KDM2B: variants seen among roughly 807,000 people sequenced by gnomAD.
KDM2B encodes the protein lysine-specific demethylase 2B.
In KDM2B, 26 loss-of-function variants were observed where a neutral mutation model predicts 150.0. The observed-to-expected ratio is 0.17, with a 90% CI of 0.13 to 0.24. The LOEUF is 0.24. Ranked by LOEUF, KDM2B falls within the 10% of genes least tolerant of loss-of-function variation. The probability of loss-of-function intolerance (pLI) is 1.00; values close to 1 mark genes in which losing one functional copy is unlikely to be tolerated. For synonymous variants in KDM2B, 734 were observed against 729.5 expected (o/e 1.01, Z -0.10); for missense variants, 1,265 against 1,816.9 (o/e 0.70, Z 5.52).
the KDM2B span, among the ~76,000 whole-genome samples, chr12:121,415,926 A>G: frequency 7.3e-6 from 1 of 136,880 alleles, no homozygotes; most frequent in South Asian, 2.4e-4. Flanking sequence ...TAAAATTTGG[A>G]TCATGTTCTC....
Position 121,532,882 on chromosome 12 carries a change from G to A in KDM2B, c.855C>T (p.Asp285=), listed in dbSNP as rs1555308074. The A allele has an allele frequency of 6.2e-7, 1 of 1,614,216 alleles. No individual in the cohort carries two copies. The highest frequency in any genetic ancestry group is 1.3e-5 in the African/African-American group (1 of 75,066). The change falls in exon 8 of 23, where the codon GAC becomes GAT. Residue 285 remains aspartate, a synonymous_variant. Transcript: ENST00000377071. ...EEWVLSGKQS[D]IFLGDRVERC... is the part of the protein sequence containing the mutation. ...GTTCCACACGGTCTCCCAGAAAGAT[G>A]TCACTCTGTTTGCCTGACAGCACCC...
Position 121,467,301 on chromosome 12 carries a change from G to C in KDM2B, c.1735-13957C>G. On this transcript the variant is annotated intron_variant, in intron 12 of 22. Transcript: ENST00000377071. This position sits in a 1 kb window ranked among gnomAD's most constrained non-coding sequence, Gnocchi z 5.1. ...GCCCGGAGCAGGCTCGGCTCGCCCT[G>C]GCTCGGGCTCGGGCTCGGGCTCGGG... 2.0e-6 allele frequency: 2 copies of C among 980,558 alleles called. No individual in the cohort carries two copies. Among genetic ancestry groups the C allele is most frequent in the Non-Finnish European group, 2.4e-6 (2 of 828,396 alleles). The allele number at this position is 980,558 out of a possible 1,614,324, so 60.7% of individuals were successfully genotyped here.
intron 8 of KDM2B, among the ~76,000 whole-genome samples, chr12:121,522,095 A>G (rs1886738050): frequency 6.7e-6 from 1 of 150,234 alleles, no homozygotes; most frequent in Admixed American, 6.6e-5. Flanking sequence ...GGTAACAGAG[A>G]TAACCATCTC....
At chr12:121,562,635 G>A (rs1290121342) in intron 4 of KDM2B, among the ~76,000 whole-genome samples, 1 of 151,560 alleles carries the variant, frequency 6.6e-6, no homozygotes, top group Admixed American at 6.6e-5. Flanking sequence ...AAATCTGTAA[G>A]GGAAGAAAGC....
intron 17 of KDM2B, 33 bp downstream of exon 17, chr12:121,443,646 CG>C: frequency 1.5e-6 from 2 of 1,351,086 alleles, no homozygotes; most frequent in South Asian, 1.2e-5. Context: ...CGCCAGTCCC[CG>C]GGGCCTCAGG....
chr12:121,419,994 A>T, the KDM2B span: 1 of 388,660 alleles, frequency 2.6e-6, no homozygotes, highest in Non-Finnish European at 4.9e-6. Flanking sequence ...GAGAGTTAAT[A>T]CTCTGGTTAG....
chr12:121,511,620 G>T (rs551793123), intron 10 of KDM2B, among the ~76,000 whole-genome samples: 13 of 152,308 alleles, frequency 8.5e-5, no homozygotes, highest in Non-Finnish European at 1.6e-4. Flanking sequence ...ACTGTGCCCG[G>T]CCCCGGGTTT....
At chr12:121,491,753 C>T (rs1347853794) in intron 12 of KDM2B, among the ~76,000 whole-genome samples, 2 of 148,356 alleles carry the variant, frequency 1.3e-5, no homozygotes, top group Admixed American at 1.4e-4. Flanking sequence ...GAGATTGCAC[C>T]ACTGCACTCC....
In KDM2B at chr12:121,549,177, G is replaced by A. The variant is rs1420586897; in HGVS notation, c.577-194C>T. On this transcript the variant is annotated intron_variant, in intron 5 of 22. Transcript: ENST00000377071. This position sits in a 1 kb window ranked among gnomAD's most constrained non-coding sequence, Gnocchi z 4.4. ...TAGAAGGGAAGGAGATGAAACAGTC[G>A]CTGGGGGTCGGGCACGGTAGCTTAT... 1.3e-5 allele frequency among the ~76,000 whole-genome samples: 2 copies of A among 152,198 alleles called. No individual in the cohort carries two copies. The highest frequency in any genetic ancestry group is 2.9e-5 in the Non-Finnish European group (2 of 68,028).
intron 4 of KDM2B, among the ~76,000 whole-genome samples, chr12:121,555,018 T>G: frequency 6.6e-6 from 1 of 152,022 alleles, no homozygotes; most frequent in East Asian, 1.9e-4. Context: ...AGACCCCATC[T>G]CTACAAAAAA....
intron 8 of KDM2B, among the ~76,000 whole-genome samples, chr12:121,522,748 G>A (rs890637629): frequency 4.0e-5 from 6 of 151,100 alleles, no homozygotes; most frequent in South Asian, 2.1e-4. Context: ...CTTGGGAGGC[G>A]GAGGCATGAG....
Position 121,532,687 on chromosome 12 carries a change from C to T in KDM2B, c.931+119G>A, listed in dbSNP as rs547412809. 70 of 1,046,830 alleles carry T rather than the reference C, an allele frequency of 6.7e-5. No homozygotes were observed. The Admixed American group carries it at 1.2e-3, about 18-fold the overall frequency. The allele number at this position is 1,046,830 out of a possible 1,614,324, so 64.8% of individuals were successfully genotyped here. A position where few individuals can be genotyped will look rare whatever the true frequency, so the allele number is the denominator to read the frequency against. On this transcript the variant is annotated intron_variant, in intron 8 of 22. Coordinates refer to ENST00000377071, the MANE Select transcript of KDM2B (RefSeq NM_032590.5). Reference sequence around the variant, plus strand: ...CCTCCAGCCCACGGCTGGCTCCCCTCGGGGACTGCCAATGGCCTGTCAAAC... The same window carrying T: ...CCTCCAGCCCACGGCTGGCTCCCCTTGGGGACTGCCAATGGCCTGTCAAAC...
intron 9 of KDM2B, among the ~76,000 whole-genome samples, chr12:121,515,989 G>A (rs913286592): frequency 6.6e-6 from 1 of 152,116 alleles, no homozygotes; most frequent in South Asian, 2.1e-4. Flanking sequence ...GTGCCCTCTG[G>A]AGTTTAAAAA....
intron 4 of KDM2B, among the ~76,000 whole-genome samples, chr12:121,557,371 G>C (rs1555312931): frequency 5.3e-5 from 8 of 151,480 alleles, no homozygotes. Flanking sequence ...CCGATTAGCT[G>C]GGATTACAGG....
chr12:121,578,913 C>T lies in KDM2B; in HGVS notation c.160G>A (p.Glu54Lys). ...ATCTCCTCCACGTCCGACAAGTCCT[C>T]GTTCTCGTCGTATCGCTGGCGGTCA... The part of the protein sequence containing the change: ...PIDRQRYDEN[E>K]DLSDVEEIVS... The change falls in exon 2 of 23, where the codon GAG (glutamate) becomes AAG (lysine). Residue 54 changes from glutamate to lysine, a missense_variant. Around this residue, in one of 11 missense-constraint regions of KDM2B, gnomAD observed 214 missense variants for 447.4 expected, o/e 0.48. Coordinates refer to ENST00000377071, the MANE Select transcript of KDM2B (RefSeq NM_032590.5). 1 of 1,613,038 alleles carries T rather than the reference C, an allele frequency of 6.2e-7. No homozygotes were observed. The highest frequency in any genetic ancestry group is 8.5e-7 in the Non-Finnish European group (1 of 1,179,716).
rs1555292073 is a variant in KDM2B, at chr12:121,453,269, C to A, written c.1810G>T (p.Ala604Ser). Reference sequence around the variant, plus strand: ...CGCGTCCGGCGCCGCCGAGCTCCTGCCGTTGTCCGGTTGGCGGCCAACTTC... The same window carrying A: ...CGCGTCCGGCGCCGCCGAGCTCCTGACGTTGTCCGGTTGGCGGCCAACTTC... ...AVKLAANRTT[A>S]GARRRRTRCR... The change falls in exon 13 of 23, where the codon GCA (alanine) becomes TCA (serine). Residue 604 changes from alanine to serine, a missense_variant. Around this residue, in one of 11 missense-constraint regions of KDM2B, gnomAD observed 69 missense variants for 85.7 expected, o/e 0.81. Coordinates refer to ENST00000377071, the MANE Select transcript of KDM2B (RefSeq NM_032590.5). The surrounding 1 kb of genome is among the most constrained non-coding windows in gnomAD (Gnocchi z 6.4). The A allele has an allele frequency of 6.2e-7, 1 of 1,607,962 alleles. No homozygotes were observed. The highest frequency in any genetic ancestry group is 1.7e-5 in the Admixed American group (1 of 59,644).
At chr12:121,566,521 C>G (rs1210370826) in intron 4 of KDM2B, among the ~76,000 whole-genome samples, 2 of 152,032 alleles carry the variant, frequency 1.3e-5, no homozygotes, top group Non-Finnish European at 2.9e-5. Context: ...ACTCGGGAGG[C>G]TGAGGCAGGA....
chr12:121,433,139 G>C, intron 22 of KDM2B: 2 of 456,678 alleles, frequency 4.4e-6, no homozygotes, highest in South Asian at 3.1e-5. Context: ...TGCCCAGCCA[G>C]CATTCTTCCT....
At chr12:121,501,323 A>T (rs1555301874) in intron 11 of KDM2B, among the ~76,000 whole-genome samples, 1 of 152,044 alleles carries the variant, frequency 6.6e-6, no homozygotes, top group Non-Finnish European at 1.5e-5. Flanking sequence ...ATGTTGCAGC[A>T]AGCCAAGATC....
Sources: gnomAD v4.1 joint callset for allele counts (sites outside exome capture counted in the v4.1 genomes callset) on GRCh38, gnomAD v4.1.1 for gene constraint, gnomAD v4.1.1 regional missense constraint, Gnocchi (gnomAD v3.1) non-coding constraint, MANE v1.5 for transcripts, NCBI Gene and HGNC (gene_info 2026-07-23, HGNC 2026-07-21) for gene names.